CD99L2: variants seen among roughly 807,000 people sequenced by gnomAD.
CD99L2 encodes the protein CD99 antigen-like protein 2.
In CD99L2, 24 loss-of-function variants were observed where a neutral mutation model predicts 27.3. The ratio of observed to expected loss-of-function variants is 0.88; its 90% CI spans 0.64 to 1.24. The LOEUF (loss-of-function observed/expected upper bound fraction) is 1.24, where lower values mean the gene tolerates loss of function less well. Ranked by LOEUF, CD99L2 falls within the 50% of genes most tolerant of loss-of-function variation. The pLI, the probability that CD99L2 is intolerant of heterozygous loss-of-function variation, is 0.00. For missense variants in CD99L2, 255 were observed against 221.6 expected (o/e 1.15, Z -0.96); for synonymous variants, 97 against 87.9 (o/e 1.10, Z -0.58).
intron 1 of CD99L2, among the ~76,000 whole-genome samples, chrX:150,879,550 A>C (rs116740408): frequency 0.045 from 4,912 of 109,059 alleles, 235 homozygotes; most frequent in African/African-American, 0.14. Flanking sequence ...TCCTGGTTCC[A>C]GGTTTAGTGC....
At position 150,795,429 on chromosome X, in the gene CD99L2, G is replaced by A. The variant is rs2045780460; in HGVS notation, c.335C>T (p.Ala112Val). Residue 112 changes from alanine to valine, a missense_variant, in exon 5 of 11, where the codon GCA (alanine) becomes GTA (valine). Transcript: ENST00000370377. ...TKRPVTTRAPANTLGNDFDLA... is the reference protein window; with the variant it reads ...TKRPVTTRAPVNTLGNDFDLA... Reference sequence around the variant, plus strand: ...AGCGGCCACCTTACCTAAAGTATTTGCTGGAGCTCTGGTGGTTACTGGCCT... The same window carrying A: ...AGCGGCCACCTTACCTAAAGTATTTACTGGAGCTCTGGTGGTTACTGGCCT... 2 of 1,209,548 alleles carry A rather than the reference G, an allele frequency of 1.7e-6. No individual in the cohort carries two copies. Among genetic ancestry groups the A allele is most frequent in the East Asian group, 3.0e-5 (1 of 33,758 alleles).
rs782139143 is a variant in CD99L2 at position 150,777,534 on chromosome X, G to C, written c.497-52C>G. On this transcript the variant is annotated intron_variant, in intron 7 of 10. Transcript: ENST00000370377. The stretch of plus-strand genomic sequence containing the variant: ...GCCAGCGACCAGCCAGCTCAGGCTC[G>C]AGCTCGGGCCTCCGCGAGACGGATG... The C allele has an allele frequency of 3.4e-6, 4 of 1,170,479 alleles. No individual in the cohort carries two copies. In the African/African-American group the frequency reaches 7.1e-5, roughly 21 times the overall value.
chrX:150,879,756 A>C (rs1261908518), intron 1 of CD99L2, among the ~76,000 whole-genome samples: 3 of 94,305 alleles, frequency 3.2e-5, no homozygotes, highest in African/African-American at 1.2e-4. Context: ...AAACTAAAAA[A>C]AAAAAAAAAA....
At chrX:150,830,046 T>C (rs1226602488) in intron 2 of CD99L2, among the ~76,000 whole-genome samples, 1 of 109,786 alleles carries the variant, frequency 9.1e-6, no homozygotes, top group East Asian at 2.9e-4. Context: ...TCCCAGCTAC[T>C]TGGGAGGCTG....
At chrX:150,864,322 A>G (rs2047026871) in intron 1 of CD99L2, among the ~76,000 whole-genome samples, 1 of 112,533 alleles carries the variant, frequency 8.9e-6, no homozygotes, top group Non-Finnish European at 1.9e-5. Flanking sequence ...ACGTGCACAA[A>G]GCACCGTGCA....
intron 7 of CD99L2, among the ~76,000 whole-genome samples, chrX:150,785,597 T>G (rs1158440800): frequency 1.3e-4 from 15 of 111,439 alleles, no homozygotes; most frequent in African/African-American, 4.9e-4. Context: ...GAGACCCCTA[T>G]CAAGACACAG....
chrX:150,836,454 A>G (rs782121869), intron 1 of CD99L2, among the ~76,000 whole-genome samples: 28 of 100,712 alleles, frequency 2.8e-4, no homozygotes, highest in Admixed American at 5.2e-4. Flanking sequence ...CAGCCCCCCA[A>G]GTAGCTGGGA....
chrX:150,806,243 A>AT (rs1557420229), intron 4 of CD99L2, among the ~76,000 whole-genome samples: 1 of 112,243 alleles, frequency 8.9e-6, no homozygotes, highest in East Asian at 2.8e-4. Flanking sequence ...AATTACCACG[A>AT]TTTGAGCATC....
At chrX:150,829,638 G>A in intron 2 of CD99L2, 1 of 257,925 alleles carries the variant, frequency 3.9e-6, no homozygotes. Flanking sequence ...GTTCTCTAAG[G>A]ATTTCAATAC....
At chrX:150,779,794 G>A (rs1247839299) in intron 7 of CD99L2, among the ~76,000 whole-genome samples, 2 of 112,151 alleles carry the variant, frequency 1.8e-5, no homozygotes, top group Non-Finnish European at 3.8e-5. Flanking sequence ...CTATTAGCTT[G>A]GGGTAAAAAA....
intron 1 of CD99L2, among the ~76,000 whole-genome samples, chrX:150,894,571 TTGTGTGTGTGTG>T (rs199941967): frequency 8.2e-4 from 82 of 99,868 alleles, no homozygotes; most frequent in African/African-American, 2.8e-3. Flanking sequence ...TTCTTTTGTT[TTGTGTGTGTGTG>T]TGTGTGTGTG....
intron 2 of CD99L2, among the ~76,000 whole-genome samples, chrX:150,826,731 G>A (rs1363969235): frequency 1.8e-5 from 2 of 111,932 alleles, no homozygotes; most frequent in African/African-American, 6.5e-5. Context: ...TGTGTGATCT[G>A]TCCCCTGACA....
intron 2 of CD99L2, among the ~76,000 whole-genome samples, chrX:150,824,498 A>AAG (rs1338138331): frequency 1.7e-5 from 1 of 59,303 alleles, no homozygotes; most frequent in Non-Finnish European, 3.2e-5. Context: ...AAGAAGAAGA[A>AAG]AGAAGAAGAA....
At chrX:150,816,240 C>T (rs1480712836) in intron 2 of CD99L2, 162 bp from the exon 3 acceptor site, 5 of 482,507 alleles carry the variant, frequency 1.0e-5, no homozygotes, top group African/African-American at 9.6e-5. Context: ...AAAAGGATGA[C>T]AAAATGATAT....
chrX:150,891,415 T>C (rs1557422812), intron 1 of CD99L2, among the ~76,000 whole-genome samples: 1 of 111,853 alleles, frequency 8.9e-6, no homozygotes, highest in Admixed American at 9.5e-5. Context: ...TTGCTCCATC[T>C]TCAAAGCCAG....
Position 150,792,286 on chromosome X carries a change from CCT to C in CD99L2, c.496+1403_496+1404del, listed in dbSNP as rs1272891553. Among the ~76,000 whole-genome samples, 3 of 112,250 alleles carry C rather than the reference CCT, an allele frequency of 2.7e-5. No individual in the cohort carries two copies. In the Admixed American group the frequency reaches 2.8e-4, roughly 11 times the overall value. Reference sequence around the variant, plus strand: ...CATGCACTTTTAATAAGGAAAAGCCCCTGACATGCCATTCAGACTTTCATTCA... The same window carrying C: ...CATGCACTTTTAATAAGGAAAAGCCCGACATGCCATTCAGACTTTCATTCA... On this transcript the variant is annotated intron_variant, in intron 7 of 10. Transcript: ENST00000370377.
At chrX:150,893,291 G>A (rs1308301313) in intron 1 of CD99L2, among the ~76,000 whole-genome samples, 2 of 110,948 alleles carry the variant, frequency 1.8e-5, no homozygotes, top group Admixed American at 1.9e-4. Context: ...CAACCCTGGA[G>A]CCATCTAGGA....
At chrX:150,771,030 G>A (rs190716470) in intron 9 of CD99L2, among the ~76,000 whole-genome samples, 1 of 112,260 alleles carries the variant, frequency 8.9e-6, no homozygotes, top group African/African-American at 3.2e-5. Flanking sequence ...ATTCCCTCCC[G>A]CCAGCAAGGG....
rs1315080167 is a variant in CD99L2 at position 150,895,048 on chromosome X, T to C, written c.67+3474A>G. Among the ~76,000 whole-genome samples the C allele has an allele frequency of 3.6e-5, 4 of 111,760 alleles. No individual in the cohort carries two copies. The East Asian group carries it at 1.1e-3, about 31-fold the overall frequency. On this transcript the variant is annotated intron_variant, in intron 1 of 10. Coordinates refer to ENST00000370377, the MANE Select transcript of CD99L2 (RefSeq NM_031462.4). The stretch of plus-strand genomic sequence containing the variant: ...AGTTCCTAAACCTCTCTGGGCCCCA[T>C]ATTTTTCATCTGAGAAGTGGGTTAC...
Sources: gnomAD v4.1 joint callset for allele counts (sites outside exome capture counted in the v4.1 genomes callset) on GRCh38, gnomAD v4.1.1 for gene constraint, MANE v1.5 for transcripts, NCBI Gene and HGNC (gene_info 2026-07-23, HGNC 2026-07-21) for gene names.